Variants in MYC observed in about 807,000 individuals in gnomAD.
MYC encodes myc proto-oncogene protein.
In MYC, 1 loss-of-function variant was observed where a neutral mutation model predicts 30.5. The ratio of observed to expected loss-of-function variants is 0.03; its 90% confidence interval spans 0.01 to 0.16. The LOEUF is 0.16. Ranked by LOEUF, MYC falls within the 10% of genes least tolerant of loss-of-function variation. The pLI, the probability that MYC is intolerant of heterozygous loss-of-function variation, is 1.00. For missense variants in MYC, 508 were observed against 589.0 expected (o/e 0.86, Z 1.42); for synonymous variants, 267 against 250.7 (o/e 1.07, Z -0.62).
In MYC at chr8:127,738,146, G is replaced by T; in HGVS notation, c.31-102G>T. The T allele has an allele frequency of 5.0e-6, 7 of 1,388,054 alleles. No homozygotes were observed. The highest frequency in any genetic ancestry group is 6.8e-6 in the Non-Finnish European group (7 of 1,031,250). The allele number at this position is 1,388,054 out of a possible 1,614,324, so 86.0% of individuals were successfully genotyped here. ...GCTTTAGGGGATAGCTCTGCAAGGG[G>T]AGAGGTTCGGGACTGTGGCGCGCAC... On this transcript the variant is annotated intron_variant, in intron 1 of 2. Transcript: ENST00000621592. This position sits in a 1 kb window ranked among gnomAD's most constrained non-coding sequence, Gnocchi z 7.6.
Position 127,738,464 on chromosome 8 carries a change from G to T in MYC, c.247G>T (p.Gly83Trp), listed in dbSNP as rs2130093702. The change falls in exon 2 of 3, where the codon GGG (glycine) becomes TGG (tryptophan). Residue 83 changes from glycine (G) to tryptophan (W), a missense_variant. This residue lies in a region of MYC where 364 missense variants were observed against 381.1 expected (regional missense o/e 0.96). Coordinates refer to ENST00000621592, the MANE Select transcript of MYC (RefSeq NM_002467.6). This position sits in a 1 kb window ranked among gnomAD's most constrained non-coding sequence, Gnocchi z 7.6. ...GCCCCTGTCCCCTAGCCGCCGCTCC[G>T]GGCTCTGCTCGCCCTCCTACGTTGC... is the stretch of plus-strand genomic sequence containing the variant. The T allele has an allele frequency of 6.2e-7, 1 of 1,606,806 alleles. No homozygotes were observed. Among genetic ancestry groups the T allele is most frequent in the Non-Finnish European group, 8.5e-7 (1 of 1,175,298 alleles).
intron 2 of MYC, among the ~76,000 whole-genome samples, 200 bp downstream of exon 2, chr8:127,739,219 G>T (rs899283486): frequency 1.4e-4 from 21 of 152,120 alleles, no homozygotes; most frequent in African/African-American, 5.1e-4. Context: ...CATGTTTGCA[G>T]CCCCCCTCCC....
chr8:127,738,391 G>T lies in MYC; in HGVS notation c.174G>T (p.Pro58=). ...AGCAGCAGAGCGAGCTGCAGCCCCC[G>T]GCGCCCAGCGAGGATATCTGGAAGA... The change falls in exon 2 of 3, where the codon CCG becomes CCT. Residue 58 remains proline (P), a synonymous_variant. Coordinates refer to ENST00000621592, the MANE Select transcript of MYC (RefSeq NM_002467.6). This position sits in a 1 kb window ranked among gnomAD's most constrained non-coding sequence, Gnocchi z 7.6. 1 of 1,614,010 alleles carries T rather than the reference G, an allele frequency of 6.2e-7. No individual in the cohort carries two copies. The highest frequency in any genetic ancestry group is 8.5e-7 in the Non-Finnish European group (1 of 1,179,952).
Position 127,736,470 on chromosome 8 carries a change from A to G in MYC, c.-124A>G. Reference sequence around the variant, plus strand: ...GGGCGGGCACTTTGCACTGGAACTTACAACACCCGAGCAAGGACGCGACTC... The same window carrying G: ...GGGCGGGCACTTTGCACTGGAACTTGCAACACCCGAGCAAGGACGCGACTC... On this transcript the variant is annotated 5_prime_UTR_variant, in exon 1 of 3. Coordinates refer to ENST00000621592, the MANE Select transcript of MYC (RefSeq NM_002467.6). The G allele has an allele frequency of 5.4e-6, 6 of 1,108,658 alleles. No homozygotes were observed. The highest frequency in any genetic ancestry group is 7.9e-6 in the Non-Finnish European group (6 of 755,644). 68.7% of individuals were successfully genotyped at this position (1,108,658 alleles called of 1,614,324 possible). A position where few individuals can be genotyped will look rare whatever the true frequency, so the allele number is the denominator to read the frequency against.
Position 127,740,937 on chromosome 8 carries a change from G to C in MYC, c.1344G>C (p.Gln448His), listed in dbSNP as rs2130108127. ...AACAGTTGAAACACAAACTTGAACA[G>C]CTACGGAACTCTTGTGCGTAAGGAA... Residue 448 changes from glutamine to histidine, a missense_variant, in exon 3 of 3, where the codon CAG becomes CAC. Physicochemically the swap from Gln to His is conservative, Grantham distance 24 (BLOSUM62 0). Transcript: ENST00000621592. 6.3e-7 allele frequency: 1 copy of C among 1,575,914 alleles called. No homozygotes were observed. The highest frequency in any genetic ancestry group is 8.6e-7 in the Non-Finnish European group (1 of 1,164,466).
rs554049915 is a variant in MYC at position 127,736,482 on chromosome 8, C to G, written c.-112C>G. ...TGCACTGGAACTTACAACACCCGAG[C>G]AAGGACGCGACTCTCCCGACGCGGG... On this transcript the variant is annotated 5_prime_UTR_variant, in exon 1 of 3. Transcript: ENST00000621592. The G allele has an allele frequency of 8.1e-7, 1 of 1,229,794 alleles. No individual in the cohort carries two copies. The highest frequency in any genetic ancestry group is 1.3e-5 in the South Asian group (1 of 77,428). 76.2% of individuals were successfully genotyped at this position (1,229,794 alleles called of 1,614,324 possible). A position where few individuals can be genotyped will look rare whatever the true frequency, so the allele number is the denominator to read the frequency against.
intron 1 of MYC, among the ~76,000 whole-genome samples, chr8:127,736,913 G>A (rs1436462933): frequency 7.9e-5 from 12 of 152,184 alleles, no homozygotes; most frequent in Non-Finnish European, 1.5e-5. Context: ...ACTCCCGGCC[G>A]GTCGGACATT....
chr8:127,738,786 G>A lies in MYC; in HGVS notation c.569G>A (p.Ser190Asn). 6.2e-7 allele frequency: 1 copy of A among 1,610,056 alleles called. No homozygotes were observed. Among genetic ancestry groups the A allele is most frequent in the South Asian group, 1.1e-5 (1 of 90,722 alleles). The change falls in exon 2 of 3, where the codon AGC becomes AAC. Residue 190 changes from serine to asparagine, a missense_variant. Physicochemically the swap from Ser to Asn is conservative, Grantham distance 46 (BLOSUM62 1). Coordinates refer to ENST00000621592, the MANE Select transcript of MYC (RefSeq NM_002467.6). The surrounding 1 kb of genome is among the most constrained non-coding windows in gnomAD (Gnocchi z 7.6). ...GGCCACAGCGTCTGCTCCACCTCCA[G>A]CTTGTACCTGCAGGATCTGAGCGCC...
intron 1 of MYC, among the ~76,000 whole-genome samples, chr8:127,736,830 G>A (rs1586588104): frequency 6.6e-6 from 1 of 152,192 alleles, no homozygotes. Flanking sequence ...GAGAGGAGAA[G>A]GCAGAGGGAA....
chr8:127,740,662 T>A lies in MYC; in HGVS notation c.1069T>A (p.Cys357Ser), dbSNP rs1355490965. ...GAGACAGATCAGCAACAACCGAAAATGCACCAGCCCCAGGTCCTCGGACAC... is the reference window on the plus strand; with the variant it reads ...GAGACAGATCAGCAACAACCGAAAAAGCACCAGCCCCAGGTCCTCGGACAC... The change falls in exon 3 of 3, where the codon TGC becomes AGC. Residue 357 changes from cysteine to serine, a missense_variant. Around this residue, in one of 5 missense-constraint regions of MYC, gnomAD observed 364 missense variants for 381.1 expected, o/e 0.96. Coordinates refer to ENST00000621592, the MANE Select transcript of MYC (RefSeq NM_002467.6). 1 of 1,613,742 alleles carries A rather than the reference T, an allele frequency of 6.2e-7. No individual in the cohort carries two copies. Among genetic ancestry groups the A allele is most frequent in the Admixed American group, 1.7e-5 (1 of 59,988 alleles).
chr8:127,737,589 G>A (rs1302679736), intron 1 of MYC, among the ~76,000 whole-genome samples: 2 of 152,080 alleles, frequency 1.3e-5, no homozygotes, highest in East Asian at 1.9e-4. Flanking sequence ...TGTATTTATG[G>A]AGGGGTGTTA....
At chr8:127,737,730 G>A (rs1468189647) in intron 1 of MYC, among the ~76,000 whole-genome samples, 2 of 152,128 alleles carry the variant, frequency 1.3e-5, no homozygotes, top group Non-Finnish European at 2.9e-5. Flanking sequence ...GAGGGGCTGC[G>A]GTGCCGGCGG....
In MYC at chr8:127,736,523, A is replaced by T; in HGVS notation, c.-71A>T. The T allele has an allele frequency of 6.4e-7, 1 of 1,570,366 alleles. No homozygotes were observed. The highest frequency in any genetic ancestry group is 1.1e-5 in the South Asian group (1 of 89,722). ...CCGACGCGGGGAGGCTATTCTGCCC[A>T]TTTGGGGACACTTCCCCGCCGCTGC... On this transcript the variant is annotated 5_prime_UTR_variant, in exon 1 of 3. Coordinates refer to ENST00000621592, the MANE Select transcript of MYC (RefSeq NM_002467.6).
At chr8:127,740,299 A>T (rs1298066594) in intron 2 of MYC, 97 bp from the exon 3 acceptor site, 1 of 1,272,560 alleles carries the variant, frequency 7.9e-7, no homozygotes, top group African/African-American at 1.5e-5. Context: ...GACCTTTCTA[A>T]CGTATTCATG....
intron 2 of MYC, 136 bp downstream of exon 2, chr8:127,739,155 C>T (rs1329763001): frequency 2.0e-6 from 2 of 990,340 alleles, no homozygotes; most frequent in Admixed American, 7.0e-5. Context: ...GAGCTCATCA[C>T]CTCTGAAACC....
chr8:127,741,463 C>G lies in MYC; in HGVS notation c.*505C>G, dbSNP rs1813711273. 4.8e-6 allele frequency: 1 copy of G among 207,502 alleles called. No homozygotes were observed. Among genetic ancestry groups the G allele is most frequent in the African/African-American group, 2.3e-5 (1 of 44,114 alleles). 12.9% of individuals were successfully genotyped at this position (207,502 alleles called of 1,614,324 possible). On this transcript the variant is annotated 3_prime_UTR_variant, in exon 3 of 3. Coordinates refer to ENST00000621592, the MANE Select transcript of MYC (RefSeq NM_002467.6). ...GTGAATGTTTTGTTTCGTTTCTTCC[C>G]CCTCCCAACCACCACCATCCCTGTT...
Position 127,736,642 on chromosome 8 carries a change from T to C in MYC, c.30+19T>C. 1 of 1,613,504 alleles carries C rather than the reference T, an allele frequency of 6.2e-7. No homozygotes were observed. ...AAACCAGGTAAGCACCGAAGTCCAC[T>C]TGCCTTTTAATTTATTTTTTTATCA... On this transcript the variant is annotated intron_variant, in intron 1 of 2. Coordinates refer to ENST00000621592, the MANE Select transcript of MYC (RefSeq NM_002467.6).
upstream of MYC, chr8:127,735,930 T>G: frequency 1.0e-5 from 4 of 395,736 alleles, no homozygotes; most frequent in Non-Finnish European, 1.3e-5. Context: ...CCTCCCCACC[T>G]TCCCCACCCT....
In MYC at chr8:127,740,666, C is replaced by T. The variant is rs2130104991; in HGVS notation, c.1073C>T (p.Thr358Ile). 8.7e-6 allele frequency: 14 copies of T among 1,614,086 alleles called. No homozygotes were observed. Among genetic ancestry groups the T allele is most frequent in the African/African-American group, 1.3e-5 (1 of 75,010 alleles). Residue 358 changes from threonine (T) to isoleucine (I), a missense_variant, in exon 3 of 3, where the codon ACC (threonine) becomes ATC (isoleucine). This residue lies in a region of MYC where 364 missense variants were observed against 381.1 expected (regional missense o/e 0.96). Transcript: ENST00000621592. ...CAGATCAGCAACAACCGAAAATGCA[C>T]CAGCCCCAGGTCCTCGGACACCGAG...
Sources: allele counts gnomAD v4.1 joint callset (sites outside exome capture counted in the v4.1 genomes callset), GRCh38; gene constraint gnomAD v4.1.1; regional missense constraint gnomAD v4.1.1; non-coding constraint Gnocchi (gnomAD v3.1); transcripts MANE v1.5; gene names NCBI Gene and HGNC (gene_info 2026-07-23, HGNC 2026-07-21).